Variants in ZDHHC15 observed in about 807,000 individuals in gnomAD.
ZDHHC15 encodes the protein zDHHC palmitoyltransferase 15, also known as palmitoyltransferase ZDHHC15.
ZDHHC15 carries 19 observed loss-of-function variants against 31.7 expected under a neutral mutation model. The observed-to-expected ratio is 0.60, with a 90% CI of 0.42 to 0.88. ZDHHC15 has a LOEUF of 0.88. ZDHHC15 is among the 40% of genes least tolerant of loss of function. ZDHHC15 has a pLI of 0.00. For synonymous variants in ZDHHC15, 103 were observed against 90.0 expected (o/e 1.14, Z -0.82); for missense variants, 209 against 251.2 (o/e 0.83, Z 1.14).
intron 3 of ZDHHC15, among the ~76,000 whole-genome samples, chrX:75,458,540 A>G (rs930868851): frequency 9.8e-5 from 11 of 111,830 alleles, no homozygotes; most frequent in African/African-American, 2.9e-4. Flanking sequence ...AAAAAATTGA[A>G]AACATATAAA....
At chrX:75,443,991 G>A (rs1189872733) in intron 4 of ZDHHC15, among the ~76,000 whole-genome samples, 1 of 110,225 alleles carries the variant, frequency 9.1e-6, no homozygotes, top group Non-Finnish European at 1.9e-5. Flanking sequence ...AGGATGTGGA[G>A]AAATAGGAAC....
At chrX:75,480,178 T>C (rs1029493418) in intron 2 of ZDHHC15, among the ~76,000 whole-genome samples, 2 of 111,428 alleles carry the variant, frequency 1.8e-5, no homozygotes, top group African/African-American at 6.5e-5. Flanking sequence ...CTCTCCTGGC[T>C]CAGTTCTCCC....
intron 4 of ZDHHC15, among the ~76,000 whole-genome samples, chrX:75,431,819 C>A (rs999496367): frequency 9.0e-6 from 1 of 111,454 alleles, no homozygotes; most frequent in African/African-American, 3.3e-5. Context: ...CTTGAGGGAT[C>A]TTGAAAAACC....
chrX:75,442,603 G>A (rs2083958354), intron 4 of ZDHHC15, among the ~76,000 whole-genome samples: 1 of 111,605 alleles, frequency 9.0e-6, no homozygotes. Flanking sequence ...GGATGTGAAG[G>A]ACCTTTTCAA....
chrX:75,401,401 T>C (rs2083355751), intron 10 of ZDHHC15, among the ~76,000 whole-genome samples: 1 of 111,635 alleles, frequency 9.0e-6, no homozygotes. Context: ...AATACTAACC[T>C]TGAATGTAAA....
intron 3 of ZDHHC15, among the ~76,000 whole-genome samples, chrX:75,454,007 C>G (rs980824964): frequency 9.0e-6 from 1 of 111,699 alleles, no homozygotes; most frequent in Admixed American, 9.6e-5. Context: ...CTCACCACTC[C>G]TATTCAACAT....
intron 3 of ZDHHC15, among the ~76,000 whole-genome samples, chrX:75,467,509 T>C (rs919926825): frequency 8.9e-6 from 1 of 112,580 alleles, no homozygotes; most frequent in Non-Finnish European, 1.9e-5. Flanking sequence ...GATTGGGATG[T>C]ACTTGGGTAT....
chrX:75,393,309 T>C (rs1208026839), intron 10 of ZDHHC15, among the ~76,000 whole-genome samples: 1 of 111,219 alleles, frequency 9.0e-6, no homozygotes, highest in Non-Finnish European at 1.9e-5. Flanking sequence ...GAAATAAGAC[T>C]CTCACTGAGG....
At chrX:75,437,456 T>G (rs1380991122) in intron 4 of ZDHHC15, among the ~76,000 whole-genome samples, 1 of 62,660 alleles carries the variant, frequency 1.6e-5, no homozygotes, top group African/African-American at 6.4e-5. Context: ...CCCACAACAG[T>G]CCCCAGAGTG....
Position 75,456,258 on chromosome X carries a change from A to T in ZDHHC15, c.259-5336T>A, listed in dbSNP as rs142690335. On this transcript the variant is annotated intron_variant, in intron 3 of 11. Coordinates refer to ENST00000373367, the MANE Select transcript of ZDHHC15 (RefSeq NM_144969.3). ...CTGAGCAAACTATCACAAGGACAGC[A>T]AACCAAACACCACATGTTCTCACTC... Among the ~76,000 whole-genome samples, 462 of 109,636 alleles carry T rather than the reference A, an allele frequency of 4.2e-3. 2 individuals carry two copies. Among genetic ancestry groups the T allele is most frequent in the African/African-American group, 0.015 (444 of 30,056 alleles).
At position 75,463,628 on chromosome X, in the gene ZDHHC15, G is replaced by A. The variant is rs187627559; in HGVS notation, c.259-12706C>T. Among the ~76,000 whole-genome samples the A allele has an allele frequency of 3.3e-3, 338 of 102,397 alleles. 2 individuals are homozygous for A. The highest frequency in any genetic ancestry group is 5.6e-3 in the Non-Finnish European group (280 of 50,202). The allele number at this position is 102,397 out of a possible 115,157, so 88.9% of individuals were successfully genotyped here. ...ACAAAAAACCCATCAAAAGGTGGGCGAAGGATATGAACAGACACTTCTCAA... is the reference window on the plus strand; with the variant it reads ...ACAAAAAACCCATCAAAAGGTGGGCAAAGGATATGAACAGACACTTCTCAA... On this transcript the variant is annotated intron_variant, in intron 3 of 11. Coordinates refer to ENST00000373367, the MANE Select transcript of ZDHHC15 (RefSeq NM_144969.3).
At chrX:75,426,556 A>G (rs957001046) in intron 7 of ZDHHC15, among the ~76,000 whole-genome samples, 4 of 111,407 alleles carry the variant, frequency 3.6e-5, no homozygotes, top group African/African-American at 6.5e-5. Flanking sequence ...GCAGATGAAT[A>G]CTGGCAGAAT....
chrX:75,492,954 A>G (rs2148015446), intron 2 of ZDHHC15, among the ~76,000 whole-genome samples: 1 of 112,051 alleles, frequency 8.9e-6, no homozygotes, highest in African/African-American at 3.2e-5. Context: ...AAGGAAATAG[A>G]GAGACAAAAA....
At chrX:75,499,775 G>A (rs1276567685) in intron 2 of ZDHHC15, among the ~76,000 whole-genome samples, 1 of 111,509 alleles carries the variant, frequency 9.0e-6, no homozygotes, top group African/African-American at 3.3e-5. Flanking sequence ...CCACTACTAT[G>A]TATCTTTGGT....
chrX:75,404,430 G>A (rs1390509757), intron 10 of ZDHHC15, among the ~76,000 whole-genome samples: 1 of 111,794 alleles, frequency 8.9e-6, no homozygotes, highest in Non-Finnish European at 1.9e-5. Flanking sequence ...TATCAACAGA[G>A]TAAACAGACA....
At chrX:75,393,069 G>A (rs755873769) in intron 10 of ZDHHC15, among the ~76,000 whole-genome samples, 10 of 110,573 alleles carry the variant, frequency 9.0e-5, no homozygotes, top group South Asian at 4.0e-4. Flanking sequence ...ACTAACAGAC[G>A]CCCTAATGGA....
At chrX:75,386,269 T>C (rs899457638) in intron 10 of ZDHHC15, among the ~76,000 whole-genome samples, 2 of 111,800 alleles carry the variant, frequency 1.8e-5, no homozygotes, top group Non-Finnish European at 3.8e-5. Flanking sequence ...AGGAAGGAGA[T>C]TAATTCCCCC....
chrX:75,413,172 A>C (rs958753207), intron 10 of ZDHHC15, among the ~76,000 whole-genome samples: 14 of 112,318 alleles, frequency 1.2e-4, no homozygotes, highest in Non-Finnish European at 2.6e-4. Context: ...TACATCTTAA[A>C]TTTTTACAAT....
At chrX:75,388,098 T>A (rs2083199165) in intron 10 of ZDHHC15, among the ~76,000 whole-genome samples, 1 of 112,206 alleles carries the variant, frequency 8.9e-6, no homozygotes, top group Admixed American at 9.4e-5. Context: ...AGCAAAGTTA[T>A]CCTTCAAAAA....
Sources: gnomAD v4.1 joint callset for allele counts (sites outside exome capture counted in the v4.1 genomes callset) on GRCh38, gnomAD v4.1.1 for gene constraint, MANE v1.5 for transcripts, NCBI Gene and HGNC (gene_info 2026-07-23, HGNC 2026-07-21) for gene names.